The following PDHB variants were observed in gnomAD, a reference collection of about 807,000 sequenced individuals.
The protein encoded by PDHB is pyruvate dehydrogenase E1 component subunit beta, mitochondrial.
In PDHB, 17 loss-of-function variants were observed where a neutral mutation model predicts 42.8. The observed-to-expected ratio is 0.40, with a 90% CI of 0.27 to 0.60. The LOEUF is 0.60. Among genes scored for constraint, PDHB ranks in the 20% least tolerant of loss-of-function variants. The pLI is 0.46. For synonymous variants in PDHB, 154 were observed against 148.7 expected (o/e 1.04, Z -0.26); for missense variants, 322 against 451.3 (o/e 0.71, Z 2.60).
In PDHB at chr3:58,430,206, C is replaced by A. The variant is rs1433075188; in HGVS notation, c.622G>T (p.Val208Phe). Residue 208 changes from valine (V) to phenylalanine (F), a missense_variant, in exon 7 of 10, where the codon GTT becomes TTT. Val to Phe is a conservative substitution (Grantham distance 50). Coordinates refer to ENST00000302746, the MANE Select transcript of PDHB (RefSeq NM_000925.4). ...VVLENELMYGVPFEFPPEAQS... is the reference protein window; with the variant it reads ...VVLENELMYGFPFEFPPEAQS... ...GCTTCCGGAGGAAATTCAAAAGGAACCCCATACATCAATTCATTCTCTAGC... is the reference window on the plus strand; with the variant it reads ...GCTTCCGGAGGAAATTCAAAAGGAAACCCATACATCAATTCATTCTCTAGC... 6.2e-7 allele frequency: 1 copy of A among 1,611,018 alleles called. No individual in the cohort carries two copies. The highest frequency in any genetic ancestry group is 2.2e-5 in the East Asian group (1 of 44,870).
chr3:58,429,374 A>T (rs1316671724), intron 8 of PDHB, among the ~76,000 whole-genome samples: 1 of 151,948 alleles, frequency 6.6e-6, no homozygotes, highest in Non-Finnish European at 1.5e-5. Flanking sequence ...CCAGGAGTTC[A>T]CGGTTACAGT....
chr3:58,429,012 G>T (rs542039224), intron 8 of PDHB, among the ~76,000 whole-genome samples: 1 of 152,078 alleles, frequency 6.6e-6, no homozygotes. Flanking sequence ...AGACCACCAC[G>T]CCTAGCTAAT....
chr3:58,429,948 A>T (rs1365453747), intron 7 of PDHB, 149 bp from the exon 8 acceptor site: 4 of 737,178 alleles, frequency 5.4e-6, no homozygotes, highest in Non-Finnish European at 9.8e-6. Context: ...CTTCCTAGAA[A>T]TGAAACACAA....
intron 8 of PDHB, 99 bp from the exon 9 acceptor site, chr3:58,428,713 G>A (rs1209090094): frequency 2.7e-6 from 3 of 1,104,728 alleles, no homozygotes; most frequent in Non-Finnish European, 4.1e-6. Flanking sequence ...GTTAATCTTT[G>A]TATCTAGGAA....
Position 58,430,754 on chromosome 3 carries a change from G to A in PDHB, c.492C>T (p.Ala164=), listed in dbSNP as rs200016955. Residue 164 remains alanine (A), a synonymous_variant, in exon 6 of 10, where the codon GCC becomes GCT. Coordinates refer to ENST00000302746, the MANE Select transcript of PDHB (RefSeq NM_000925.4). The stretch of plus-strand genomic sequence containing the variant: ...TTAAGCCTGGGCAGTGCCCATACCA[G>A]GCAGCAAAGCACTGTGAGTGCTGGG... ...VAAQHSQCFA[A]WYGHCPGLKV... The A allele has an allele frequency of 4.3e-6, 7 of 1,614,044 alleles. No individual in the cohort carries two copies. In the Admixed American group the frequency reaches 1.0e-4, roughly 23 times the overall value.
chr3:58,433,824 C>T lies in PDHB; in HGVS notation c.-15G>A. On this transcript the variant is annotated 5_prime_UTR_variant, in exon 1 of 10. Coordinates refer to ENST00000302746, the MANE Select transcript of PDHB (RefSeq NM_000925.4). ...ACCGCCGCCATCTTGGTCGTGTCCT[C>T]TATCCGCTGCCAAACGACAACAGAG... is the stretch of plus-strand genomic sequence containing the variant. The T allele has an allele frequency of 2.5e-6, 4 of 1,608,434 alleles. No homozygotes were observed. The highest frequency in any genetic ancestry group is 2.5e-6 in the Non-Finnish European group (3 of 1,178,230).
At chr3:58,432,360 G>C (rs2062927578) in intron 2 of PDHB, 1 of 326,964 alleles carries the variant, frequency 3.1e-6, no homozygotes, top group African/African-American at 2.2e-5. Flanking sequence ...AGGGATTCAA[G>C]CATATACTTG....
Position 58,430,656 on chromosome 3 carries a change from C to G in PDHB, c.589+1G>C, listed in dbSNP as rs768738492. On this transcript the variant is annotated splice_donor_variant, in intron 6 of 9. Transcript: ENST00000302746. LOFTEE classifies it high-confidence loss of function. ...AAAAACCAAAGGGTCCCTGTGCTGA[C>G]CTGGATTGTTATCCCGAATGGCTGA... The G allele has an allele frequency of 2.5e-6, 4 of 1,612,980 alleles. No homozygotes were observed. The highest frequency in any genetic ancestry group is 3.4e-6 in the Non-Finnish European group (4 of 1,179,730).
At position 58,431,526 on chromosome 3, in the gene PDHB, G is replaced by A. The variant is rs2062920398; in HGVS notation, c.303+67C>T. 35 of 1,294,382 alleles carry A rather than the reference G, an allele frequency of 2.7e-5. 1 individual carries two copies. The South Asian group carries it at 4.2e-4, about 15-fold the overall frequency. The allele number at this position is 1,294,382 out of a possible 1,614,324, so 80.2% of individuals were successfully genotyped here. A position where few individuals can be genotyped will look rare whatever the true frequency, so the allele number is the denominator to read the frequency against. On this transcript the variant is annotated intron_variant, in intron 5 of 9. Transcript: ENST00000302746. The surrounding 1 kb of genome is among the most constrained non-coding windows in gnomAD (Gnocchi z 4.4). Reference sequence around the variant, plus strand: ...AGGCTGGACAACAGAGTGAGACTCTGTCTCAAAAGAAAAAAAAAGAAAACA... The same window carrying A: ...AGGCTGGACAACAGAGTGAGACTCTATCTCAAAAGAAAAAAAAAGAAAACA...
In PDHB at chr3:58,428,555, C is replaced by G. The variant is rs369190855; in HGVS notation, c.852G>C (p.Met284Ile). The change falls in exon 9 of 10, where the codon ATG becomes ATC. Residue 284 changes from methionine to isoleucine, a missense_variant. Met to Ile is a conservative substitution (Grantham distance 10). Transcript: ENST00000302746. Reference protein sequence around the residue: ...MDMETIEASVMKTNHLVTVEG... With the variant: ...MDMETIEASVIKTNHLVTVEG... ...CCACAGTTACAAGATGATTTGTCTT[C>G]ATGACACTGGCTTCTATGGTTTCCA... 1.2e-6 allele frequency: 2 copies of G among 1,613,676 alleles called. No individual in the cohort carries two copies. Among genetic ancestry groups the G allele is most frequent in the Non-Finnish European group, 1.7e-6 (2 of 1,179,648 alleles).
rs113030830 is a variant in PDHB, at chr3:58,431,853, A to G, written c.204+24T>C. 5,579 of 1,606,498 alleles carry G rather than the reference A, an allele frequency of 3.5e-3. 158 individuals carry two copies. The African/African-American group carries it at 0.065, about 19-fold the overall frequency. On this transcript the variant is annotated intron_variant, in intron 3 of 9. Coordinates refer to ENST00000302746, the MANE Select transcript of PDHB (RefSeq NM_000925.4). The surrounding 1 kb of genome is among the most constrained non-coding windows in gnomAD (Gnocchi z 4.4). The stretch of plus-strand genomic sequence containing the variant: ...GGGGTAACAGTGACCTCAATTTTGT[A>G]TAACTTTCATATATTTTAGTTACCT...
In PDHB at chr3:58,427,824, G is replaced by GT. The variant is rs2062882262; in HGVS notation, c.*209dup. 6.3e-6 allele frequency: 4 copies of GT among 635,572 alleles called. No homozygotes were observed. Among genetic ancestry groups the GT allele is most frequent in the Non-Finnish European group, 1.2e-5 (4 of 344,974 alleles). 39.4% of individuals were successfully genotyped at this position (635,572 alleles called of 1,614,324 possible). ...TTGTTATTCAAAGAACATGGCAACC[G>GT]TAACAGACAAAAGGAAGCATGGCAT... On this transcript the variant is annotated 3_prime_UTR_variant, in exon 10 of 10. Coordinates refer to ENST00000302746, the MANE Select transcript of PDHB (RefSeq NM_000925.4).
intron 6 of PDHB, 29 bp downstream of exon 6, chr3:58,430,628 A>G (rs746151723): frequency 6.3e-7 from 1 of 1,592,488 alleles, no homozygotes; most frequent in Non-Finnish European, 8.6e-7. Flanking sequence ...TTCAATCTTC[A>G]AAAAAAACCA....
intron 2 of PDHB, 83 bp downstream of exon 2, chr3:58,433,548 A>G: frequency 1.4e-6 from 2 of 1,452,336 alleles, no homozygotes; most frequent in Non-Finnish European, 9.4e-7. Flanking sequence ...GGAAGGCCAC[A>G]GCGCAGGCGC....
Position 58,430,178 on chromosome 3 carries a change from T to C in PDHB, c.650A>G (p.Gln217Arg). 5 of 1,613,204 alleles carry C rather than the reference T, an allele frequency of 3.1e-6. No individual in the cohort carries two copies. The highest frequency in any genetic ancestry group is 4.2e-6 in the Non-Finnish European group (5 of 1,179,448). ...AATAGGAATCAGAAAATCTTTTGAC[T>C]GAGCTTCCGGAGGAAATTCAAAAGG... ...GVPFEFPPEA[Q>R]SKDFLIPIGK... Residue 217 changes from glutamine to arginine, a missense_variant, in exon 7 of 10, where the codon CAG (glutamine) becomes CGG (arginine). Around this residue, in one of 3 missense-constraint regions of PDHB, gnomAD observed 208 missense variants for 285.0 expected, o/e 0.73. Coordinates refer to ENST00000302746, the MANE Select transcript of PDHB (RefSeq NM_000925.4).
rs752488385 is a variant in PDHB at position 58,431,842 on chromosome 3, C to G, written c.204+35G>C. The stretch of plus-strand genomic sequence containing the variant: ...AAGTGTATCTGGGGGTAACAGTGAC[C>G]TCAATTTTGTATAACTTTCATATAT... On this transcript the variant is annotated intron_variant, in intron 3 of 9. Coordinates refer to ENST00000302746, the MANE Select transcript of PDHB (RefSeq NM_000925.4). The surrounding 1 kb of genome is among the most constrained non-coding windows in gnomAD (Gnocchi z 4.4). 1 of 1,606,680 alleles carries G rather than the reference C, an allele frequency of 6.2e-7. No individual in the cohort carries two copies. Among genetic ancestry groups the G allele is most frequent in the South Asian group, 1.1e-5 (1 of 90,934 alleles).
At chr3:58,430,350 C>G (rs2062909655) in intron 6 of PDHB, 112 bp from the exon 7 acceptor site, 2 of 775,662 alleles carry the variant, frequency 2.6e-6, no homozygotes, top group Admixed American at 4.7e-5. Flanking sequence ...GCTGATTAGC[C>G]TTATCTCTAC....
At chr3:58,432,900 G>C (rs1029249474) in intron 2 of PDHB, 1 of 152,306 alleles carries the variant, frequency 6.6e-6, no homozygotes, top group Non-Finnish European at 1.5e-5. Context: ...TCAGGAGTGT[G>C]AGGCGCGAGA....
intron 9 of PDHB, 92 bp from the exon 10 acceptor site, chr3:58,428,271 T>C: frequency 7.6e-7 from 1 of 1,312,986 alleles, no homozygotes; most frequent in African/African-American, 1.4e-5. Flanking sequence ...GAAGAGAAAA[T>C]GTAAGGAATG....
Sources: allele counts gnomAD v4.1 joint callset (sites outside exome capture counted in the v4.1 genomes callset), GRCh38; gene constraint gnomAD v4.1.1; regional missense constraint gnomAD v4.1.1; non-coding constraint Gnocchi (gnomAD v3.1); transcripts MANE v1.5; gene names NCBI Gene and HGNC (gene_info 2026-07-23, HGNC 2026-07-21).